CACHD1: variants seen among roughly 807,000 people sequenced by gnomAD.
The protein encoded by CACHD1 is cache domain containing 1.
A neutral mutation model predicts 138.7 loss-of-function variants in CACHD1; 71 were observed. The ratio of observed to expected loss-of-function variants is 0.51; its 90% CI spans 0.42 to 0.62. The LOEUF (loss-of-function observed/expected upper bound fraction) is 0.62. CACHD1 is among the 20% of genes least tolerant of loss of function. CACHD1 has a pLI of 0.00. For synonymous variants in CACHD1, 578 were observed against 591.5 expected (o/e 0.98, Z 0.33); for missense variants, 1,389 against 1,625.3 (o/e 0.85, Z 2.50).
At chr1:64,500,065 A>G (rs1337551986) in intron 1 of CACHD1, among the ~76,000 whole-genome samples, 1 of 152,216 alleles carries the variant, frequency 6.6e-6, no homozygotes, top group Non-Finnish European at 1.5e-5. Flanking sequence ...GCCTTCTTCT[A>G]TCTTGAGATG....
chr1:64,602,880 G>A lies in CACHD1; in HGVS notation c.485G>A (p.Arg162Gln), dbSNP rs1054556. 25 of 1,612,916 alleles carry A rather than the reference G, an allele frequency of 1.5e-5. No homozygotes were observed. Among genetic ancestry groups the A allele is most frequent in the South Asian group, 9.9e-5 (9 of 91,016 alleles). ...CDRLSTTVNS[R>Q]AFNPGRDLNS... is the part of the protein sequence containing the mutation. Reference sequence around the variant, plus strand: ...CGACTTTCTACTACTGTTAATAGCCGGGCCTTCAATCCAGGACGAGACTTA... The same window carrying A: ...CGACTTTCTACTACTGTTAATAGCCAGGCCTTCAATCCAGGACGAGACTTA... Residue 162 changes from arginine to glutamine, a missense_variant, in exon 4 of 27, where the codon CGG (arginine) becomes CAG (glutamine). Physicochemically the swap from Arg to Gln is conservative, Grantham distance 43. This residue lies in a region of CACHD1 where 1,000 missense variants were observed against 1,114.7 expected (regional missense o/e 0.90). Coordinates refer to ENST00000651257, the MANE Select transcript of CACHD1 (RefSeq NM_020925.4).
intron 4 of CACHD1, among the ~76,000 whole-genome samples, 187 bp downstream of exon 4, chr1:64,603,099 CTTTTTTTTTTTT>C (rs34372401): frequency 6.8e-4 from 44 of 64,946 alleles, no homozygotes; most frequent in African/African-American, 2.0e-3. Context: ...AAGCTTACAT[CTTTTTTTTTTTT>C]TTTTTTTTTT....
chr1:64,544,523 A>T (rs1646703154), intron 1 of CACHD1, among the ~76,000 whole-genome samples: 1 of 152,068 alleles, frequency 6.6e-6, no homozygotes, highest in African/African-American at 2.4e-5. Context: ...AGGGTGGGTC[A>T]GTGGATGGAG....
At position 64,641,968 on chromosome 1, in the gene CACHD1, C is replaced by CG. The variant is rs1648732984; in HGVS notation, c.1156+1dup. On this transcript the variant is annotated frameshift_variant and splice_region_variant, in exon 8 of 27. Coordinates refer to ENST00000651257, the MANE Select transcript of CACHD1 (RefSeq NM_020925.4). LOFTEE classifies it high-confidence loss of function. ...TGATTCTCACCTATGCCCTCATGAA[C>CG]GGTAGGTAGAGTTTCAAGATATTCC... 6.4e-7 allele frequency: 1 copy of CG among 1,558,478 alleles called. No individual in the cohort carries two copies. Among genetic ancestry groups the CG allele is most frequent in the African/African-American group, 1.4e-5 (1 of 71,400 alleles).
At chr1:64,664,330 GC>G (rs1649554256) in intron 14 of CACHD1, 167 bp from the exon 15 acceptor site, 1 of 624,356 alleles carries the variant, frequency 1.6e-6, no homozygotes. Flanking sequence ...ATTTCTGCAA[GC>G]TTTTATTTTC....
intron 1 of CACHD1, among the ~76,000 whole-genome samples, chr1:64,478,416 C>T (rs1177992633): frequency 2.6e-5 from 4 of 152,158 alleles, no homozygotes; most frequent in African/African-American, 9.7e-5. Flanking sequence ...TGTTCTCTCC[C>T]CCTTCCAGAA....
chr1:64,503,104 T>C (rs1307430927), intron 1 of CACHD1, among the ~76,000 whole-genome samples: 1 of 152,162 alleles, frequency 6.6e-6, no homozygotes, highest in Non-Finnish European at 1.5e-5. Flanking sequence ...AGATACAGTT[T>C]CCATGACACC....
intron 1 of CACHD1, among the ~76,000 whole-genome samples, chr1:64,472,562 A>G (rs1386314526): frequency 3.3e-5 from 5 of 152,206 alleles, no homozygotes; most frequent in Admixed American, 3.3e-4. Flanking sequence ...AACTATGCCG[A>G]TCTTTCAGGT....
intron 3 of CACHD1, among the ~76,000 whole-genome samples, chr1:64,597,208 C>T (rs888801398): frequency 1.3e-5 from 2 of 152,098 alleles, no homozygotes; most frequent in African/African-American, 4.8e-5. Context: ...CTCACTTGAA[C>T]ACTGTTTTGA....
chr1:64,645,811 G>C (rs570630514), intron 8 of CACHD1, among the ~76,000 whole-genome samples: 2 of 152,332 alleles, frequency 1.3e-5, no homozygotes, highest in East Asian at 1.9e-4. Context: ...ACACAGAGAA[G>C]AGTAGGACAA....
chr1:64,634,755 G>C (rs558513107), intron 7 of CACHD1, among the ~76,000 whole-genome samples: 1 of 152,200 alleles, frequency 6.6e-6, no homozygotes, highest in Admixed American at 6.5e-5. Flanking sequence ...AGCACTTTGG[G>C]AGGTCAAGGC....
chr1:64,680,466 C>A (rs544298852), intron 24 of CACHD1, among the ~76,000 whole-genome samples: 5 of 150,962 alleles, frequency 3.3e-5, no homozygotes, highest in African/African-American at 1.2e-4. Context: ...CCATTCTGGG[C>A]GAAAGAGTGA....
intron 6 of CACHD1, among the ~76,000 whole-genome samples, chr1:64,633,599 T>A (rs2100643231): frequency 6.6e-6 from 1 of 152,234 alleles, no homozygotes; most frequent in East Asian, 1.9e-4. Flanking sequence ...TGATAATCTA[T>A]TGCCTGTGGA....
In CACHD1 at chr1:64,673,434, G is replaced by A. The variant is rs760498797; in HGVS notation, c.2697G>A (p.Gln899=). The part of the protein sequence containing the change: ...LCNSFSDRTV[Q]RFYKFNTSLA... ...ACAGCTTCAGTGACAGAACGGTCCA[G>A]AGGTTTTATAAATTCAACACCAGCC... The change falls in exon 19 of 27, where the codon CAG becomes CAA. Residue 899 remains glutamine, a synonymous_variant. Transcript: ENST00000651257. The A allele has an allele frequency of 1.2e-6, 2 of 1,614,006 alleles. No individual in the cohort carries two copies. Among genetic ancestry groups the A allele is most frequent in the Non-Finnish European group, 1.7e-6 (2 of 1,179,988 alleles).
intron 3 of CACHD1, among the ~76,000 whole-genome samples, chr1:64,592,581 G>A (rs1647114989): frequency 6.6e-6 from 1 of 152,128 alleles, no homozygotes; most frequent in Non-Finnish European, 1.5e-5. Context: ...CCAGAAAACA[G>A]CAAGTGTCCA....
chr1:64,658,663 C>A, intron 12 of CACHD1, 42 bp from the exon 13 acceptor site: 1 of 1,506,746 alleles, frequency 6.6e-7, no homozygotes, highest in African/African-American at 1.4e-5. Context: ...CCCCATGGAA[C>A]CCTCATTTTC....
intron 1 of CACHD1, among the ~76,000 whole-genome samples, chr1:64,472,540 G>C (rs1646151926): frequency 6.6e-6 from 1 of 152,220 alleles, no homozygotes; most frequent in African/African-American, 2.4e-5. Flanking sequence ...AAGCTTTTAA[G>C]ATGCATCATT....
chr1:64,655,878 A>T (rs12565437), intron 12 of CACHD1, among the ~76,000 whole-genome samples: 33,467 of 152,192 alleles, frequency 0.22, 6,071 homozygotes, highest in East Asian at 0.64. Context: ...TGGACAAATC[A>T]GATGTTTAAC....
intron 3 of CACHD1, among the ~76,000 whole-genome samples, chr1:64,594,739 T>G (rs954090222): frequency 6.6e-6 from 1 of 152,260 alleles, no homozygotes; most frequent in Non-Finnish European, 1.5e-5. Flanking sequence ...TTTTTCTTTC[T>G]TTTTAAAATC....
Sources: gnomAD v4.1 joint callset for allele counts (sites outside exome capture counted in the v4.1 genomes callset) on GRCh38, gnomAD v4.1.1 for gene constraint, gnomAD v4.1.1 regional missense constraint, MANE v1.5 for transcripts, NCBI Gene and HGNC (gene_info 2026-07-23, HGNC 2026-07-21) for gene names.